Variants in SNTB1 observed in about 807,000 individuals in gnomAD.
SNTB1 encodes the protein beta-1-syntrophin.
In SNTB1, 36 loss-of-function variants were observed where a neutral mutation model predicts 48.9. That is an observed-to-expected ratio of 0.74 (90% CI 0.56 to 0.97). The LOEUF (loss-of-function observed/expected upper bound fraction) is 0.97, where lower values mean the gene tolerates loss of function less well. Among genes scored for constraint, SNTB1 ranks in the 50% least tolerant of loss-of-function variants. The probability of loss-of-function intolerance (pLI) is 0.00; values close to 1 mark genes in which losing one functional copy is unlikely to be tolerated. For missense variants in SNTB1, 786 were observed against 703.4 expected (o/e 1.12, Z -1.33); for synonymous variants, 299 against 294.6 (o/e 1.01, Z -0.15).
chr8:120,777,140 A>G (rs1819748349), intron 1 of SNTB1, among the ~76,000 whole-genome samples: 1 of 152,226 alleles, frequency 6.6e-6, no homozygotes, highest in Non-Finnish European at 1.5e-5. Flanking sequence ...TATGGTTTCA[A>G]CTGCTGTTGT....
At chr8:120,557,868 C>A (rs1815592175) in intron 4 of SNTB1, among the ~76,000 whole-genome samples, 1 of 152,212 alleles carries the variant, frequency 6.6e-6, no homozygotes, top group Non-Finnish European at 1.5e-5. Flanking sequence ...TATACACATA[C>A]ACAAACACAC....
chr8:120,683,038 C>T lies in SNTB1; in HGVS notation c.788+10654G>A, dbSNP rs561682002. Among the ~76,000 whole-genome samples the T allele has an allele frequency of 6.6e-5, 10 of 151,944 alleles. No individual in the cohort carries two copies. The East Asian group carries it at 9.7e-4, about 15-fold the overall frequency. On this transcript the variant is annotated intron_variant, in intron 2 of 6. Coordinates refer to ENST00000517992, the MANE Select transcript of SNTB1 (RefSeq NM_021021.4). ...CTGGGACTACAGGCGCCCGCCACTG[C>T]GCCTGGCTAATTTTTTGTATTTTTA... is the stretch of plus-strand genomic sequence containing the variant.
intron 3 of SNTB1, among the ~76,000 whole-genome samples, chr8:120,615,061 G>T (rs1816690665): frequency 2.6e-5 from 4 of 151,470 alleles, no homozygotes; most frequent in Admixed American, 2.0e-4. Context: ...TAAGGCAGGG[G>T]AATCACTTGA....
At chr8:120,675,281 T>G (rs1187084222) in intron 2 of SNTB1, among the ~76,000 whole-genome samples, 1 of 152,174 alleles carries the variant, frequency 6.6e-6, no homozygotes, top group East Asian at 1.9e-4. Context: ...CAGGCTAAGC[T>G]TCCTGAGAAT....
intron 6 of SNTB1, 52 bp downstream of exon 6, chr8:120,541,758 T>C (rs1164012129): frequency 3.0e-6 from 4 of 1,345,452 alleles, no homozygotes; most frequent in Non-Finnish European, 4.1e-6. Flanking sequence ...TTATGTTGCA[T>C]AATGAAATAT....
At chr8:120,807,239 G>A (rs1340029251) in intron 1 of SNTB1, among the ~76,000 whole-genome samples, 3 of 152,084 alleles carry the variant, frequency 2.0e-5, no homozygotes, top group Non-Finnish European at 2.9e-5. Context: ...CAAAAAAGTC[G>A]ACCTATTTCA....
At position 120,691,828 on chromosome 8, in the gene SNTB1, A is replaced by C. The variant is rs115950545; in HGVS notation, c.788+1864T>G. 5.9e-3 allele frequency among the ~76,000 whole-genome samples: 896 copies of C among 152,346 alleles called. 8 individuals carry two copies. Among genetic ancestry groups the C allele is most frequent in the African/African-American group, 0.021 (861 of 41,584 alleles). On this transcript the variant is annotated intron_variant, in intron 2 of 6. Transcript: ENST00000517992. The stretch of plus-strand genomic sequence containing the variant: ...TGGTCTACATTAATTAGCATAATGC[A>C]CATGATAGGCACTCAATACTACATC...
chr8:120,612,669 T>G (rs1816644694), intron 3 of SNTB1, among the ~76,000 whole-genome samples: 1 of 152,186 alleles, frequency 6.6e-6, no homozygotes, highest in African/African-American at 2.4e-5. Flanking sequence ...TTTTCCTGCC[T>G]CAGCCTCCCT....
rs1352392328 is a variant in SNTB1, at chr8:120,704,474, AC to A, written c.572-10567del. Among the ~76,000 whole-genome samples the A allele has an allele frequency of 9.2e-5, 14 of 152,262 alleles. No individual in the cohort carries two copies. The East Asian group carries it at 2.3e-3, about 25-fold the overall frequency. ...TTGTGTCAAAAAAAAAAGAGAAAAA[AC>A]AAAAAACGTTTAATCTGCAGTGTTT... On this transcript the variant is annotated intron_variant, in intron 1 of 6. Transcript: ENST00000517992.
chr8:120,635,911 T>C, intron 2 of SNTB1: 1 of 442,346 alleles, frequency 2.3e-6, no homozygotes, highest in Non-Finnish European at 4.3e-6. Flanking sequence ...CCAAATTCTT[T>C]ATTTCCTTTT....
At chr8:120,791,759 C>A (rs1820040389) in intron 1 of SNTB1, among the ~76,000 whole-genome samples, 1 of 151,866 alleles carries the variant, frequency 6.6e-6, no homozygotes, top group Non-Finnish European at 1.5e-5. Flanking sequence ...TACTACCTTA[C>A]CCCAATCAGA....
At chr8:120,624,019 C>A (rs1816833171) in intron 3 of SNTB1, among the ~76,000 whole-genome samples, 1 of 152,116 alleles carries the variant, frequency 6.6e-6, no homozygotes, top group Admixed American at 6.5e-5. Context: ...CTCACTGCAA[C>A]CTCTGCCTCC....
intron 2 of SNTB1, chr8:120,637,202 A>G: frequency 5.9e-6 from 2 of 339,418 alleles, no homozygotes; most frequent in Non-Finnish European, 1.2e-5. Context: ...GTCAAAGTCG[A>G]ACATCCTCTT....
Position 120,811,328 on chromosome 8 carries a change from G to T in SNTB1, c.516C>A (p.Thr172=). 6.2e-7 allele frequency: 1 copy of T among 1,611,676 alleles called. No individual in the cohort carries two copies. The highest frequency in any genetic ancestry group is 8.5e-7 in the Non-Finnish European group (1 of 1,179,750). The change falls in exon 1 of 7, where the codon ACC becomes ACA. Residue 172 remains threonine, a synonymous_variant. Coordinates refer to ENST00000517992, the MANE Select transcript of SNTB1 (RefSeq NM_021021.4). The part of the protein sequence containing the change: ...SVNGADLRDA[T]HDEAVQALKR... The stretch of plus-strand genomic sequence containing the variant: ...TCAACGCCTGCACCGCCTCGTCGTG[G>T]GTGGCGTCCCGCAGGTCGGCTCCGT...
intron 4 of SNTB1, among the ~76,000 whole-genome samples, chr8:120,572,773 G>T (rs987570012): frequency 1.4e-5 from 2 of 138,630 alleles, no homozygotes; most frequent in Admixed American, 7.1e-5. Flanking sequence ...AAATTAGCCG[G>T]GCGTGGTGGT....
At chr8:120,588,972 A>G (rs1816195142) in intron 3 of SNTB1, among the ~76,000 whole-genome samples, 1 of 152,200 alleles carries the variant, frequency 6.6e-6, no homozygotes, top group Non-Finnish European at 1.5e-5. Context: ...CATCACTACC[A>G]TCATAATGTA....
At chr8:120,778,577 A>T (rs944047437) in intron 1 of SNTB1, among the ~76,000 whole-genome samples, 7 of 152,362 alleles carry the variant, frequency 4.6e-5, no homozygotes, top group Middle Eastern at 6.8e-3. Context: ...AAGCTATTGC[A>T]GGACTTCAGG....
intron 1 of SNTB1, among the ~76,000 whole-genome samples, chr8:120,740,284 C>T (rs1819021958): frequency 6.6e-6 from 1 of 152,194 alleles, no homozygotes; most frequent in African/African-American, 2.4e-5. Context: ...AATGAAGCAT[C>T]CAGGTTCAGA....
At chr8:120,611,441 C>T (rs1816620147) in intron 3 of SNTB1, among the ~76,000 whole-genome samples, 1 of 152,130 alleles carries the variant, frequency 6.6e-6, no homozygotes, top group African/African-American at 2.4e-5. Flanking sequence ...ACATTCCTTA[C>T]AGCAGTCTGT....
Sources: gnomAD v4.1 joint callset for allele counts (sites outside exome capture counted in the v4.1 genomes callset) on GRCh38, gnomAD v4.1.1 for gene constraint, MANE v1.5 for transcripts, NCBI Gene and HGNC (gene_info 2026-07-23, HGNC 2026-07-21) for gene names.